Variants in JMJD1C observed in about 807,000 individuals in gnomAD.
JMJD1C encodes jumonji domain containing 1C.
In JMJD1C, 31 loss-of-function variants were observed where a neutral mutation model predicts 245.3. That is an observed-to-expected ratio of 0.13 (90% CI 0.09 to 0.17). The LOEUF (loss-of-function observed/expected upper bound fraction) is 0.17. Among genes scored for constraint, JMJD1C ranks in the 10% least tolerant of loss-of-function variants. JMJD1C has a pLI of 1.00. For missense variants in JMJD1C, 2,691 were observed against 3,000.2 expected, an observed-to-expected ratio of 0.90 and a Z score of 2.41; for synonymous variants, 1,057 against 1,017.4, an observed-to-expected ratio of 1.04 and a Z score of -0.74.
At chr10:63,233,223 C>CAATT (rs1350403529) in intron 3 of JMJD1C, among the ~76,000 whole-genome samples, 4 of 152,148 alleles carry the variant, frequency 2.6e-5, no homozygotes, top group Non-Finnish European at 5.9e-5. Flanking sequence ...AAAATGTGTC[C>CAATT]AATTAACCTG....
chr10:63,323,564 A>G lies in JMJD1C; in HGVS notation c.333+56754T>C, dbSNP rs559641868. 6.0e-4 allele frequency among the ~76,000 whole-genome samples: 92 copies of G among 152,308 alleles called. 1 individual carries two copies. The highest frequency in any genetic ancestry group is 6.8e-3 in the Middle Eastern group (2 of 294). ...AAACAGCACTGGTATTTTCTGAAGC[A>G]CAAGTTATAAAACAATGTTATCCAT... On this transcript the variant is annotated intron_variant, in intron 2 of 25. Transcript: ENST00000399262.
intron 2 of JMJD1C, among the ~76,000 whole-genome samples, chr10:63,296,809 G>C (rs111419450): frequency 2.6e-4 from 40 of 152,296 alleles, no homozygotes; most frequent in African/African-American, 9.6e-4. Context: ...GTAAAAGATA[G>C]TCTCTCCTGG....
chr10:63,475,205 G>A (rs768819129), intron 1 of JMJD1C, among the ~76,000 whole-genome samples: 2 of 151,992 alleles, frequency 1.3e-5, no homozygotes, highest in Admixed American at 6.6e-5. Context: ...TGCTCAGTTC[G>A]ATTAGGACTG....
intron 1 of JMJD1C, chr10:63,427,829 T>C: frequency 9.4e-7 from 1 of 1,061,768 alleles, no homozygotes; most frequent in Non-Finnish European, 1.5e-6. Context: ...TCTAAAACAC[T>C]TGTTGAGACA....
intron 2 of JMJD1C, among the ~76,000 whole-genome samples, chr10:63,343,443 G>A (rs1347400107): frequency 6.6e-6 from 1 of 151,616 alleles, no homozygotes; most frequent in Non-Finnish European, 1.5e-5. Context: ...AGCCTAGGTT[G>A]GCTGGTGACT....
intron 1 of JMJD1C, among the ~76,000 whole-genome samples, chr10:63,411,986 C>A (rs1362519808): frequency 1.3e-5 from 2 of 148,726 alleles, no homozygotes; most frequent in Admixed American, 6.7e-5. Flanking sequence ...CCTGAGAACT[C>A]CTGAGCTCCA....
chr10:63,171,694 T>C (rs776072481), intron 24 of JMJD1C, among the ~76,000 whole-genome samples: 214 of 151,574 alleles, frequency 1.4e-3, no homozygotes, highest in Middle Eastern at 3.4e-3. Flanking sequence ...CCCAGACCCA[T>C]TGAAATCAGA....
chr10:63,472,910 G>A (rs1003992993), intron 1 of JMJD1C, among the ~76,000 whole-genome samples: 14 of 151,538 alleles, frequency 9.2e-5, no homozygotes, highest in Admixed American at 5.9e-4. Context: ...TCAGCCTCCC[G>A]AGTAGGTGGG....
chr10:63,171,614 G>C (rs1842371302), intron 24 of JMJD1C, among the ~76,000 whole-genome samples: 1 of 152,212 alleles, frequency 6.6e-6, no homozygotes, highest in African/African-American at 2.4e-5. Context: ...GGTTTCCAAA[G>C]TGTGGTCCCT....
At chr10:63,171,552 T>C (rs1842361809) in intron 24 of JMJD1C, among the ~76,000 whole-genome samples, 1 of 152,190 alleles carries the variant, frequency 6.6e-6, no homozygotes, top group Admixed American at 6.5e-5. Flanking sequence ...AATCACTTGG[T>C]TGAAAATTTT....
chr10:63,427,080 A>T (rs111389961), intron 1 of JMJD1C, among the ~76,000 whole-genome samples: 1 of 152,196 alleles, frequency 6.6e-6, no homozygotes, highest in African/African-American at 2.4e-5. Flanking sequence ...TGCCGTCCAC[A>T]CTTATAACAG....
intron 1 of JMJD1C, among the ~76,000 whole-genome samples, chr10:63,500,486 C>A (rs1440347727): frequency 6.6e-6 from 1 of 150,806 alleles, no homozygotes. Flanking sequence ...GTAATCCTAG[C>A]ACTTTGGGAG....
chr10:63,269,775 A>G (rs1022917313), intron 2 of JMJD1C, among the ~76,000 whole-genome samples: 1 of 152,218 alleles, frequency 6.6e-6, no homozygotes. Context: ...CTTAACCTAG[A>G]TAGTTCTAAG....
intron 1 of JMJD1C, among the ~76,000 whole-genome samples, chr10:63,497,149 G>C (rs1245152529): frequency 6.6e-6 from 1 of 151,214 alleles, no homozygotes; most frequent in Non-Finnish European, 1.5e-5. Flanking sequence ...TTTTCCTTTA[G>C]AACTTGATTA....
intron 3 of JMJD1C, among the ~76,000 whole-genome samples, chr10:63,229,899 G>A (rs1455494915): frequency 6.6e-6 from 1 of 152,086 alleles, no homozygotes; most frequent in Non-Finnish European, 1.5e-5. Flanking sequence ...TCAGTAAAAG[G>A]CTATTTTAAA....
chr10:63,372,974 G>T (rs376438992), intron 2 of JMJD1C: 1 of 230,878 alleles, frequency 4.3e-6, no homozygotes, highest in South Asian at 5.6e-5. Flanking sequence ...ACCTGGGTTA[G>T]GGTCGAAGCC....
At chr10:63,440,947 G>A (rs2132927632) in intron 1 of JMJD1C, among the ~76,000 whole-genome samples, 1 of 152,230 alleles carries the variant, frequency 6.6e-6, no homozygotes, top group South Asian at 2.1e-4. Flanking sequence ...TAACAGTTAT[G>A]AAGACAACCT....
chr10:63,250,682 G>A (rs1019123271), intron 3 of JMJD1C, among the ~76,000 whole-genome samples: 2 of 152,168 alleles, frequency 1.3e-5, no homozygotes, highest in Non-Finnish European at 1.5e-5. Flanking sequence ...ATGGATGTGC[G>A]ATGAGAGAAA....
intron 1 of JMJD1C, among the ~76,000 whole-genome samples, chr10:63,497,050 C>A (rs1564971057): frequency 6.6e-6 from 1 of 152,026 alleles, no homozygotes; most frequent in Non-Finnish European, 1.5e-5. Flanking sequence ...TGCAGCATAA[C>A]CTGGCAAAAA....
Sources: allele counts gnomAD v4.1 joint callset (sites outside exome capture counted in the v4.1 genomes callset), GRCh38; gene constraint gnomAD v4.1.1; transcripts MANE v1.5; gene names NCBI Gene and HGNC (gene_info 2026-07-23, HGNC 2026-07-21).